The following PDE1C variants were observed in gnomAD, a reference collection of about 807,000 sequenced individuals.
PDE1C encodes the protein dual specificity calcium/calmodulin-dependent 3',5'-cyclic nucleotide phosphodiesterase 1C.
PDE1C carries 62 observed loss-of-function variants against 93.1 expected under a neutral mutation model. That is an observed-to-expected ratio of 0.67 (90% CI 0.54 to 0.82). The LOEUF (loss-of-function observed/expected upper bound fraction) is 0.82, where lower values mean the gene tolerates loss of function less well. PDE1C is among the 40% of genes least tolerant of loss of function. The probability of loss-of-function intolerance (pLI) is 0.00; values close to 1 mark genes in which losing one functional copy is unlikely to be tolerated. For missense variants in PDE1C, 742 were observed against 884.6 expected (o/e 0.84, Z 2.04); for synonymous variants, 325 against 310.1 (o/e 1.05, Z -0.50).
chr7:31,913,267 A>C (rs1801477922), intron 2 of PDE1C, among the ~76,000 whole-genome samples: 2 of 152,212 alleles, frequency 1.3e-5, no homozygotes, highest in African/African-American at 4.8e-5. Flanking sequence ...TGTGTAGTAC[A>C]CTGCCAAGCA....
intron 1 of PDE1C, among the ~76,000 whole-genome samples, chr7:32,212,527 A>G (rs542004639): frequency 6.6e-6 from 1 of 152,320 alleles, no homozygotes; most frequent in South Asian, 2.1e-4. Flanking sequence ...ACAGAACACA[A>G]TCCAGCTCAC....
intron 2 of PDE1C, among the ~76,000 whole-genome samples, chr7:31,958,911 C>T (rs80176111): frequency 0.012 from 1,872 of 152,210 alleles, 15 homozygotes; most frequent in Non-Finnish European, 0.021. Flanking sequence ...GACTTCTATA[C>T]GTAGATTTTC....
At chr7:32,235,513 G>A (rs34881564) in intron 1 of PDE1C, among the ~76,000 whole-genome samples, 15,981 of 151,750 alleles carry the variant, frequency 0.11, 895 homozygotes, top group East Asian at 0.13. Flanking sequence ...TATACTAACA[G>A]TGGACAATTG....
chr7:31,797,252 A>T (rs1360877835), intron 16 of PDE1C, among the ~76,000 whole-genome samples: 1 of 151,774 alleles, frequency 6.6e-6, no homozygotes, highest in Non-Finnish European at 1.5e-5. Context: ...TTGCTCATGA[A>T]AAATAACCTA....
At chr7:31,850,040 C>A (rs905987180) in intron 8 of PDE1C, among the ~76,000 whole-genome samples, 1 of 151,962 alleles carries the variant, frequency 6.6e-6, no homozygotes, top group South Asian at 2.1e-4. Context: ...TTAATGTCTC[C>A]GACGGGAGGT....
At chr7:32,289,313 G>T (rs1038397555) in intron 1 of PDE1C, among the ~76,000 whole-genome samples, 3 of 152,118 alleles carry the variant, frequency 2.0e-5, no homozygotes, top group Non-Finnish European at 4.4e-5. Context: ...GGCAGGCTGA[G>T]GCAGGGGGAT....
chr7:32,384,872 G>C (rs963333851), intron 1 of PDE1C, among the ~76,000 whole-genome samples: 1 of 152,154 alleles, frequency 6.6e-6, no homozygotes, highest in Non-Finnish European at 1.5e-5. Context: ...TTTTTAATGA[G>C]TTCCCACATG....
chr7:32,191,047 T>G (rs1804196199), intron 2 of PDE1C, among the ~76,000 whole-genome samples: 1 of 152,190 alleles, frequency 6.6e-6, no homozygotes. Flanking sequence ...GGTGAATTAC[T>G]GCATGACAGA....
intron 2 of PDE1C, among the ~76,000 whole-genome samples, chr7:32,182,644 G>A (rs371498769): frequency 2.0e-5 from 3 of 152,128 alleles, no homozygotes; most frequent in Admixed American, 1.3e-4. Flanking sequence ...TTGATGGGAC[G>A]TATCTCAAAA....
intron 2 of PDE1C, among the ~76,000 whole-genome samples, chr7:31,950,996 T>A (rs565890162): frequency 6.6e-6 from 1 of 152,262 alleles, no homozygotes; most frequent in South Asian, 2.1e-4. Flanking sequence ...CATTTCTGGG[T>A]TGAGTTTCTC....
At chr7:32,211,361 A>G (rs886935713) in intron 1 of PDE1C, among the ~76,000 whole-genome samples, 1 of 152,250 alleles carries the variant, frequency 6.6e-6, no homozygotes, top group Admixed American at 6.5e-5. Flanking sequence ...GAACCACCAC[A>G]TGAATATAAA....
At chr7:31,828,763 G>C (rs1451736176) in intron 11 of PDE1C, among the ~76,000 whole-genome samples, 1 of 152,178 alleles carries the variant, frequency 6.6e-6, no homozygotes, top group African/African-American at 2.4e-5. Context: ...ACTCCTCCCA[G>C]ATGTGGGCAG....
At position 31,865,144 on chromosome 7, in the gene PDE1C, A is replaced by C. The variant is rs1420259318; in HGVS notation, c.610-62T>G. 3 of 1,575,850 alleles carry C rather than the reference A, an allele frequency of 1.9e-6. No homozygotes were observed. The Admixed American group carries it at 5.0e-5, about 26-fold the overall frequency. ...TCACTGCTTTCAATGGAGACACAGA[A>C]GTCTAAGGCACCAGGACTGCTTTTT... On this transcript the variant is annotated intron_variant, in intron 6 of 17. Coordinates refer to ENST00000396191, the MANE Select transcript of PDE1C (RefSeq NM_001191057.4).
At chr7:32,167,758 C>G (rs995596556) in intron 3 of PDE1C, among the ~76,000 whole-genome samples, 1 of 152,092 alleles carries the variant, frequency 6.6e-6, no homozygotes, top group Non-Finnish European at 1.5e-5. Context: ...TCCAAATGCC[C>G]TCCAAGCGTG....
At chr7:31,647,673 C>CAAAA in the PDE1C span, among the ~76,000 whole-genome samples, 24 of 69,326 alleles carry the variant, frequency 3.5e-4, no homozygotes, top group East Asian at 4.8e-4. Context: ...GTCTCCGTCT[C>CAAAA]AAAAAAAAAA....
the PDE1C span, among the ~76,000 whole-genome samples, chr7:31,710,024 C>G: frequency 6.6e-6 from 1 of 152,058 alleles, no homozygotes; most frequent in South Asian, 2.1e-4. Context: ...GTGGTGTGCA[C>G]TGTGGTATCG....
At chr7:31,929,065 G>C (rs575397015) in intron 2 of PDE1C, among the ~76,000 whole-genome samples, 1 of 151,686 alleles carries the variant, frequency 6.6e-6, no homozygotes, top group Admixed American at 6.6e-5. Context: ...ACACATATAG[G>C]CTCAAAATAA....
chr7:32,420,211 A>G lies in PDE1C; in HGVS notation c.310+7611T>C, dbSNP rs1470149078. On this transcript the variant is annotated intron_variant, in intron 1 of 1. Coordinates refer to the PDE1C transcript ENST00000672256. Reference sequence around the variant, plus strand: ...TATATGTGTATATATATACATATATATGTATATATACATATATATGTATAT... The same window carrying G: ...TATATGTGTATATATATACATATATGTGTATATATACATATATATGTATAT... Among the ~76,000 whole-genome samples, 4 of 37,680 alleles carry G rather than the reference A, an allele frequency of 1.1e-4. 1 individual carries two copies. Among genetic ancestry groups the G allele is most frequent in the African/African-American group, 2.7e-4 (3 of 11,238 alleles). 24.7% of individuals were successfully genotyped at this position (37,680 alleles called of 152,430 possible). A position where few individuals can be genotyped will look rare whatever the true frequency, so the allele number is the denominator to read the frequency against.
chr7:31,783,251 C>T (rs1358457061), intron 16 of PDE1C, among the ~76,000 whole-genome samples: 1 of 152,160 alleles, frequency 6.6e-6, no homozygotes, highest in South Asian at 2.1e-4. Flanking sequence ...GCTGAGATTT[C>T]TTATGCCTCT....
Sources: allele counts gnomAD v4.1 joint callset (sites outside exome capture counted in the v4.1 genomes callset), GRCh38; gene constraint gnomAD v4.1.1; transcripts MANE v1.5; gene names NCBI Gene and HGNC (gene_info 2026-07-23, HGNC 2026-07-21).